Variants in COG6 observed in about 807,000 individuals in gnomAD.
The protein encoded by COG6 is conserved oligomeric Golgi complex subunit 6.
A neutral mutation model predicts 88.8 loss-of-function variants in COG6; 74 were observed. The ratio of observed to expected loss-of-function variants is 0.83; its 90% CI spans 0.69 to 1.01. The LOEUF is 1.01. Among genes scored for constraint, COG6 ranks in the 50% least tolerant of loss-of-function variants. The probability of loss-of-function intolerance (pLI) is 0.00; values close to 1 mark genes in which losing one functional copy is unlikely to be tolerated. For missense variants in COG6, 800 were observed against 797.9 expected, an observed-to-expected ratio of 1.00 and a Z score of -0.03; for synonymous variants, 286 against 278.7, an observed-to-expected ratio of 1.03 and a Z score of -0.26.
chr13:39,687,502 G>A lies in COG6; in HGVS notation c.789-1G>A. The A allele has an allele frequency of 6.2e-7, 1 of 1,612,224 alleles. No homozygotes were observed. The highest frequency in any genetic ancestry group is 8.5e-7 in the Non-Finnish European group (1 of 1,178,548). On this transcript the variant is annotated splice_acceptor_variant, in intron 8 of 18. Coordinates refer to ENST00000455146, the MANE Select transcript of COG6 (RefSeq NM_020751.3). LOFTEE classifies it high-confidence loss of function. ...TTTTTTATATAACTTGTTTCTTCTA[G>A]ATATACCTTAGATGAATTTGGAACA...
At chr13:39,787,611 T>G (rs1881814276) in intron 18 of COG6, among the ~76,000 whole-genome samples, 1 of 152,126 alleles carries the variant, frequency 6.6e-6, no homozygotes, top group African/African-American at 2.4e-5. Flanking sequence ...TATATATTTA[T>G]GCACATACAC....
At chr13:39,766,668 G>A (rs1881174723) in intron 18 of COG6, among the ~76,000 whole-genome samples, 1 of 152,128 alleles carries the variant, frequency 6.6e-6, no homozygotes, top group Non-Finnish European at 1.5e-5. Context: ...TTTGGTCCAA[G>A]ATTTTCTAAT....
intron 10 of COG6, among the ~76,000 whole-genome samples, chr13:39,689,279 G>T (rs1286347367): frequency 1.3e-5 from 2 of 152,134 alleles, no homozygotes; most frequent in Admixed American, 6.5e-5. Flanking sequence ...ACCCAGTACA[G>T]AGTTTGATAA....
At chr13:39,734,113 C>T (rs1879605667) in intron 18 of COG6, among the ~76,000 whole-genome samples, 1 of 151,974 alleles carries the variant, frequency 6.6e-6, no homozygotes, top group African/African-American at 2.4e-5. Flanking sequence ...TCATATATTT[C>T]TGCTCTGATC....
Position 39,698,515 on chromosome 13 carries a change from A to G in COG6, c.1167-986A>G, listed in dbSNP as rs183511560. Among the ~76,000 whole-genome samples the G allele has an allele frequency of 1.4e-3, 209 of 152,062 alleles. 2 individuals are homozygous for G. The highest frequency in any genetic ancestry group is 4.8e-3 in the African/African-American group (200 of 41,518). On this transcript the variant is annotated intron_variant, in intron 12 of 18. Coordinates refer to ENST00000455146, the MANE Select transcript of COG6 (RefSeq NM_020751.3). ...CATTGTTTTCATGAACTATGTAAGAATTTACCTAATTTATTTTGGTTTCGG... is the reference window on the plus strand; with the variant it reads ...CATTGTTTTCATGAACTATGTAAGAGTTTACCTAATTTATTTTGGTTTCGG...
intron 4 of COG6, among the ~76,000 whole-genome samples, chr13:39,677,215 ATTTG>A (rs1254113804): frequency 6.6e-6 from 1 of 152,128 alleles, no homozygotes; most frequent in Non-Finnish European, 1.5e-5. Flanking sequence ...GCATGGACTT[ATTTG>A]TTCTTTTGCG....
rs1426259715 is a variant in COG6, at chr13:39,687,766, C to G, written c.976C>G (p.Leu326Val). The change falls in exon 10 of 19, where the codon CTT becomes GTT. Residue 326 changes from leucine (L) to valine (V), a missense_variant. Transcript: ENST00000455146. Reference sequence around the variant, plus strand: ...AGCTACTGCTTCTGAAAAGGAACACCTTGAAGCTCTCTTAAAGCATGTAAC... The same window carrying G: ...AGCTACTGCTTCTGAAAAGGAACACGTTGAAGCTCTCTTAAAGCATGTAAC... ...HQATASEKEH[L>V]EALLKHVTTQ... 1 of 1,613,920 alleles carries G rather than the reference C, an allele frequency of 6.2e-7. No individual in the cohort carries two copies. Among genetic ancestry groups the G allele is most frequent in the East Asian group, 2.2e-5 (1 of 44,870 alleles).
intron 18 of COG6, among the ~76,000 whole-genome samples, chr13:39,775,580 GCTC>G (rs1566046400): frequency 1.3e-5 from 2 of 152,054 alleles, no homozygotes; most frequent in African/African-American, 4.8e-5. Context: ...TGTACAGAAG[GCTC>G]CCTGCTCCCA....
rs146075031 is a variant in COG6 at position 39,687,760 on chromosome 13, G to C, written c.970G>C (p.Glu324Gln). The C allele has an allele frequency of 4.3e-6, 7 of 1,613,860 alleles. No homozygotes were observed. The highest frequency in any genetic ancestry group is 1.1e-5 in the South Asian group (1 of 91,058). ...CCATCAAGCTACTGCTTCTGAAAAGGAACACCTTGAAGCTCTCTTAAAGCA... is the reference window on the plus strand; with the variant it reads ...CCATCAAGCTACTGCTTCTGAAAAGCAACACCTTGAAGCTCTCTTAAAGCA... ...WLHQATASEK[E>Q]HLEALLKHVT... The change falls in exon 10 of 19, where the codon GAA (glutamate) becomes CAA (glutamine). Residue 324 changes from glutamate to glutamine, a missense_variant. Transcript: ENST00000455146.
intron 18 of COG6, among the ~76,000 whole-genome samples, chr13:39,758,558 C>T (rs970040694): frequency 6.6e-6 from 1 of 152,108 alleles, no homozygotes; most frequent in Admixed American, 6.5e-5. Context: ...TTTGCACATA[C>T]TAAGGTGGCT....
At chr13:39,727,335 T>G (rs1879184130) in intron 17 of COG6, 134 bp from the exon 18 acceptor site, 3 of 716,538 alleles carry the variant, frequency 4.2e-6, no homozygotes, top group Non-Finnish European at 7.5e-6. Flanking sequence ...ATACACAATT[T>G]GAACACAACA....
chr13:39,755,384 A>AT (rs773052842), downstream of COG6, among the ~76,000 whole-genome samples: 6 of 152,126 alleles, frequency 3.9e-5, no homozygotes, highest in Non-Finnish European at 8.8e-5. Flanking sequence ...AGGAAAACCC[A>AT]TTTAAAAAAC....
intron 18 of COG6, among the ~76,000 whole-genome samples, chr13:39,771,302 A>G (rs770803932): frequency 5.9e-5 from 9 of 152,232 alleles, no homozygotes; most frequent in Non-Finnish European, 1.0e-4. Context: ...TGTTTAAGTC[A>G]TCCTGTAAGA....
chr13:39,656,770 A>G (rs1192607515), intron 1 of COG6: 9 of 454,452 alleles, frequency 2.0e-5, no homozygotes, highest in Non-Finnish European at 3.1e-5. Context: ...TAGAACCACT[A>G]AATGTGTGCA....
At chr13:39,786,446 T>C (rs913044518) in intron 18 of COG6, among the ~76,000 whole-genome samples, 6 of 152,046 alleles carry the variant, frequency 3.9e-5, no homozygotes, top group African/African-American at 1.5e-4. Flanking sequence ...CAGAGTTTGT[T>C]GTCAATGGGC....
chr13:39,692,180 G>A (rs1029435668), intron 11 of COG6, among the ~76,000 whole-genome samples: 17 of 152,130 alleles, frequency 1.1e-4, no homozygotes, highest in African/African-American at 3.9e-4. Flanking sequence ...GATTGCATAT[G>A]TTGTGTAGGG....
intron 18 of COG6, among the ~76,000 whole-genome samples, chr13:39,740,063 TA>T (rs1879966601): frequency 6.6e-6 from 1 of 152,198 alleles, no homozygotes; most frequent in African/African-American, 2.4e-5. Flanking sequence ...GAAAATTATA[TA>T]ATGAAACTTA....
At chr13:39,669,401 T>G (rs1448439227) in intron 4 of COG6, among the ~76,000 whole-genome samples, 5 of 152,268 alleles carry the variant, frequency 3.3e-5, no homozygotes, top group African/African-American at 1.2e-4. Flanking sequence ...TTTCCTGTTC[T>G]CAGTTAAATC....
At chr13:39,684,396 C>T (rs1319577028) in intron 8 of COG6, among the ~76,000 whole-genome samples, 1 of 150,648 alleles carries the variant, frequency 6.6e-6, no homozygotes, top group Non-Finnish European at 1.5e-5. Context: ...ACTACAGGCG[C>T]CCGCCACCTC....
Sources: allele counts gnomAD v4.1 joint callset (sites outside exome capture counted in the v4.1 genomes callset), GRCh38; gene constraint gnomAD v4.1.1; transcripts MANE v1.5; gene names NCBI Gene and HGNC (gene_info 2026-07-23, HGNC 2026-07-21).